Variants in USH2A observed in about 807,000 individuals in gnomAD.
USH2A encodes Usher syndrome 2A (autosomal recessive, mild).
In USH2A, 443 loss-of-function variants were observed where a neutral mutation model predicts 538.9. That is an observed-to-expected ratio of 0.82 (90% CI 0.76 to 0.89). The LOEUF (loss-of-function observed/expected upper bound fraction) is 0.89, where lower values mean the gene tolerates loss of function less well. Among genes scored for constraint, USH2A ranks in the 40% least tolerant of loss-of-function variants. The probability of loss-of-function intolerance (pLI) is 0.00; values close to 1 mark genes in which losing one functional copy is unlikely to be tolerated. For synonymous variants in USH2A, 2,413 were observed against 2,273.5 expected, an observed-to-expected ratio of 1.06 and a Z score of -1.75; for missense variants, 6,633 against 6,324.8, an observed-to-expected ratio of 1.05 and a Z score of -1.65.
intron 11 of USH2A, among the ~76,000 whole-genome samples, chr1:216,283,118 G>C (rs1042349773): frequency 6.6e-6 from 1 of 151,966 alleles, no homozygotes; most frequent in African/African-American, 2.4e-5. Flanking sequence ...ATGTAGTCTC[G>C]TTCTGTCGCC....
At chr1:216,297,131 C>T (rs2037122810) in intron 9 of USH2A, among the ~76,000 whole-genome samples, 1 of 151,944 alleles carries the variant, frequency 6.6e-6, no homozygotes, top group South Asian at 2.1e-4. Flanking sequence ...GCCCTGTGTT[C>T]TTGAGTAATT....
chr1:215,821,374 G>A (rs1663010178), intron 47 of USH2A, among the ~76,000 whole-genome samples: 1 of 151,296 alleles, frequency 6.6e-6, no homozygotes, highest in South Asian at 2.1e-4. Flanking sequence ...TATACCTGTT[G>A]GCCATTTGTA....
chr1:216,099,039 A>G (rs187687877), intron 21 of USH2A, among the ~76,000 whole-genome samples: 138 of 152,308 alleles, frequency 9.1e-4, no homozygotes, highest in Middle Eastern at 3.4e-3. Context: ...CTGTGTTCTA[A>G]GTCATTTTTA....
intron 3 of USH2A, among the ~76,000 whole-genome samples, chr1:216,385,154 C>T (rs1033609365): frequency 3.9e-5 from 6 of 152,154 alleles, no homozygotes; most frequent in African/African-American, 7.2e-5. Flanking sequence ...TTAAAGGAAA[C>T]ATCTCTTTCC....
At chr1:216,033,671 T>C (rs1669179244) in intron 32 of USH2A, among the ~76,000 whole-genome samples, 1 of 152,018 alleles carries the variant, frequency 6.6e-6, no homozygotes, top group South Asian at 2.1e-4. Context: ...GGCAACATGG[T>C]GAAACCTCAT....
At chr1:216,394,988 G>A (rs1458297706) in intron 3 of USH2A, among the ~76,000 whole-genome samples, 3 of 152,052 alleles carry the variant, frequency 2.0e-5, no homozygotes, top group Non-Finnish European at 4.4e-5. Flanking sequence ...AAAGTGCTGG[G>A]ATTACAGGCG....
intron 40 of USH2A, among the ~76,000 whole-genome samples, chr1:215,894,212 C>T (rs540060304): frequency 6.6e-6 from 1 of 152,232 alleles, no homozygotes; most frequent in African/African-American, 2.4e-5. Flanking sequence ...CCTCTTTCTT[C>T]ATTAAATAAA....
intron 9 of USH2A, among the ~76,000 whole-genome samples, chr1:216,318,402 G>A (rs1014666156): frequency 2.1e-4 from 32 of 152,100 alleles, no homozygotes; most frequent in Admixed American, 1.1e-3. Flanking sequence ...ACCGTAAGAC[G>A]ACTTTTCTCA....
intron 64 of USH2A, among the ~76,000 whole-genome samples, chr1:215,667,116 T>C (rs1657630771): frequency 6.6e-6 from 1 of 151,970 alleles, no homozygotes; most frequent in Non-Finnish European, 1.5e-5. Context: ...TACTGGTTGC[T>C]GGGGTCCCTT....
chr1:216,307,072 G>A (rs774612571), intron 9 of USH2A, among the ~76,000 whole-genome samples: 1 of 152,140 alleles, frequency 6.6e-6, no homozygotes, highest in Non-Finnish European at 1.5e-5. Flanking sequence ...GAGGATACAA[G>A]CTTGCTCTAG....
chr1:216,127,737 T>C (rs1207050437), intron 21 of USH2A, among the ~76,000 whole-genome samples: 1 of 152,204 alleles, frequency 6.6e-6, no homozygotes, highest in African/African-American at 2.4e-5. Context: ...AGAGTAAGTT[T>C]CAAAGGATTC....
chr1:216,164,799 G>A (rs2034134378), intron 21 of USH2A, among the ~76,000 whole-genome samples: 1 of 152,096 alleles, frequency 6.6e-6, no homozygotes, highest in Non-Finnish European at 1.5e-5. Context: ...CAATGGAAAG[G>A]CACATAATTG....
At chr1:216,138,942 G>A (rs78846678) in intron 21 of USH2A, among the ~76,000 whole-genome samples, 8,771 of 144,720 alleles carry the variant, frequency 0.061, 339 homozygotes, top group East Asian at 0.18. Context: ...GTGTGTGTGT[G>A]TATATATATG....
intron 64 of USH2A, among the ~76,000 whole-genome samples, chr1:215,668,245 C>T (rs1330568425): frequency 1.3e-5 from 2 of 152,172 alleles, no homozygotes; most frequent in South Asian, 2.1e-4. Flanking sequence ...TACAAAAATG[C>T]TCTTTTGTTA....
intron 3 of USH2A, among the ~76,000 whole-genome samples, chr1:216,384,282 A>T (rs1273863897): frequency 6.6e-6 from 1 of 152,024 alleles, no homozygotes; most frequent in Non-Finnish European, 1.5e-5. Context: ...CCCTTTATTT[A>T]AAAAAATAAG....
At position 215,900,144 on chromosome 1, in the gene USH2A, G is replaced by A. The variant is rs1394948601; in HGVS notation, c.7525C>T (p.Arg2509Trp). ...CCAAATCCATTGGAGGCAACCAACC[G>A]AAACATATACTCTGTGTACGGTTGG... ...DLQPYTEYMF[R>W]LVASNGFGSA... The change falls in exon 40 of 72, where the codon CGG becomes TGG. Residue 2509 changes from arginine to tryptophan, a missense_variant. Arg to Trp is a moderately radical substitution (Grantham distance 101). Coordinates refer to ENST00000307340, the MANE Select transcript of USH2A (RefSeq NM_206933.4). 2.0e-5 allele frequency: 32 copies of A among 1,613,596 alleles called. No homozygotes were observed. The highest frequency in any genetic ancestry group is 2.4e-5 in the Non-Finnish European group (28 of 1,179,792).
intron 13 of USH2A, among the ~76,000 whole-genome samples, chr1:216,241,544 T>G (rs1325006819): frequency 6.6e-6 from 1 of 152,030 alleles, no homozygotes; most frequent in Non-Finnish European, 1.5e-5. Context: ...TTTTGTTTTT[T>G]TTTTTTTGAG....
chr1:215,689,466 A>G (rs918532733), intron 61 of USH2A, among the ~76,000 whole-genome samples: 1 of 152,222 alleles, frequency 6.6e-6, no homozygotes, highest in Admixed American at 6.5e-5. Context: ...TGACCCCTGC[A>G]ATGAATCATG....
chr1:215,780,163 G>A, intron 54 of USH2A, 122 bp from the exon 55 acceptor site: 2 of 1,100,486 alleles, frequency 1.8e-6, no homozygotes, highest in Non-Finnish European at 2.7e-6. Context: ...CAGGGGCTTG[G>A]AGAAGCATTT....
Sources: gnomAD v4.1 joint callset for allele counts (sites outside exome capture counted in the v4.1 genomes callset) on GRCh38, gnomAD v4.1.1 for gene constraint, MANE v1.5 for transcripts, NCBI Gene and HGNC (gene_info 2026-07-23, HGNC 2026-07-21) for gene names.